CEP128: variants seen among roughly 807,000 people sequenced by gnomAD.
The protein encoded by CEP128 is centrosomal protein 128kDa.
CEP128 carries 132 observed loss-of-function variants against 156.7 expected under a neutral mutation model. The ratio of observed to expected loss-of-function variants is 0.84; its 90% confidence interval spans 0.73 to 0.97. The LOEUF (loss-of-function observed/expected upper bound fraction) is 0.97. CEP128 is among the 50% of genes least tolerant of loss of function. The pLI, the probability that CEP128 is intolerant of heterozygous loss-of-function variation, is 0.00. For synonymous variants in CEP128, 469 were observed against 448.9 expected (o/e 1.04, Z -0.57); for missense variants, 1,252 against 1,281.9 (o/e 0.98, Z 0.36).
intron 19 of CEP128, among the ~76,000 whole-genome samples, chr14:80,707,316 T>C (rs1473735043): frequency 6.6e-6 from 1 of 152,170 alleles, no homozygotes; most frequent in African/African-American, 2.4e-5. Flanking sequence ...CCTTGTAGTG[T>C]TGTTTTGTTC....
rs116955247 is a variant in CEP128, at chr14:80,772,360, T to G, written c.2376+5522A>C. Among the ~76,000 whole-genome samples the G allele has an allele frequency of 1.6e-4, 24 of 152,148 alleles. 1 individual carries two copies. In the East Asian group the frequency reaches 4.6e-3, roughly 29 times the overall value. ...TCGAGAGGAGTTACACTGGGGACGGTTGGAGAGGAGATCAGCTGCTGGATG... is the reference window on the plus strand; with the variant it reads ...TCGAGAGGAGTTACACTGGGGACGGGTGGAGAGGAGATCAGCTGCTGGATG... On this transcript the variant is annotated intron_variant, in intron 16 of 24. Transcript: ENST00000555265.
chr14:80,725,184 T>A (rs886476447), intron 19 of CEP128, among the ~76,000 whole-genome samples: 1 of 112,178 alleles, frequency 8.9e-6, no homozygotes, highest in African/African-American at 4.0e-5. Context: ...GTTTTCCCAA[T>A]TTTTTTTTTT....
At chr14:80,594,824 C>T (rs1473794595) in intron 19 of CEP128, among the ~76,000 whole-genome samples, 4 of 152,190 alleles carry the variant, frequency 2.6e-5, no homozygotes, top group Admixed American at 6.5e-5. Context: ...CAGGAAACAA[C>T]AGATCCTGGA....
intron 13 of CEP128, among the ~76,000 whole-genome samples, chr14:80,806,198 T>C (rs1170005050): frequency 2.0e-5 from 3 of 152,154 alleles, no homozygotes; most frequent in African/African-American, 7.2e-5. Context: ...TGATTAAAAA[T>C]AGTTATTTCC....
In CEP128 at chr14:80,853,540, TAGAA is replaced by T. The variant is rs1011560322; in HGVS notation, c.762+9213_762+9216del. On this transcript the variant is annotated intron_variant, in intron 9 of 24. Coordinates refer to ENST00000555265, the MANE Select transcript of CEP128 (RefSeq NM_152446.5). ...TTTTAAAAAAAAATCCCATTCCAGATAGAAAGAAAAACCATAAGGTACCTAAAAA... is the reference window on the plus strand; with the variant it reads ...TTTTAAAAAAAAATCCCATTCCAGATAGAAAAACCATAAGGTACCTAAAAA... 6.0e-5 allele frequency among the ~76,000 whole-genome samples: 9 copies of T among 151,168 alleles called. No individual in the cohort carries two copies. In the East Asian group the frequency reaches 1.6e-3, roughly 26 times the overall value.
chr14:80,576,624 C>CGTGTGTGTGTGT (rs753148123), intron 20 of CEP128, among the ~76,000 whole-genome samples: 35 of 112,784 alleles, frequency 3.1e-4, no homozygotes, highest in Middle Eastern at 4.5e-3. Flanking sequence ...ATTACTCCGG[C>CGTGTGTGTGTGT]GTGTGTGTGT....
chr14:80,867,078 A>G (rs1887801739), intron 8 of CEP128, among the ~76,000 whole-genome samples: 1 of 152,210 alleles, frequency 6.6e-6, no homozygotes, highest in Non-Finnish European at 1.5e-5. Context: ...CAATTAGAAG[A>G]AACACTTTAT....
At chr14:80,836,523 C>T (rs1886086293) in intron 11 of CEP128, among the ~76,000 whole-genome samples, 186 bp from the exon 12 acceptor site, 1 of 152,116 alleles carries the variant, frequency 6.6e-6, no homozygotes, top group Admixed American at 6.5e-5. Flanking sequence ...GCTTTTCCTT[C>T]TCTGTGTCCA....
chr14:80,953,540 G>A (rs1351919595), intron 2 of CEP128, among the ~76,000 whole-genome samples: 1 of 152,220 alleles, frequency 6.6e-6, no homozygotes, highest in Admixed American at 6.5e-5. Flanking sequence ...AGCCAAGATC[G>A]TGCCATTGCA....
chr14:80,723,122 G>A (rs188113846), intron 19 of CEP128, among the ~76,000 whole-genome samples: 5 of 152,078 alleles, frequency 3.3e-5, no homozygotes, highest in East Asian at 1.9e-4. Context: ...CACCGCACCC[G>A]GCCCTCTTTA....
At chr14:80,924,735 T>G (rs375149086) in intron 2 of CEP128, among the ~76,000 whole-genome samples, 3 of 151,498 alleles carry the variant, frequency 2.0e-5, no homozygotes, top group South Asian at 2.1e-4. Context: ...TTCATGGGGG[T>G]TTTTTTTAAT....
chr14:80,795,097 T>C (rs192267732), intron 13 of CEP128, among the ~76,000 whole-genome samples: 1 of 152,320 alleles, frequency 6.6e-6, no homozygotes, highest in Admixed American at 6.5e-5. Flanking sequence ...AGTGAGGGCA[T>C]AGGGATTTGG....
At chr14:80,732,068 A>G (rs1898298696) in intron 19 of CEP128, among the ~76,000 whole-genome samples, 1 of 152,162 alleles carries the variant, frequency 6.6e-6, no homozygotes, top group Non-Finnish European at 1.5e-5. Context: ...CCACCCATCT[A>G]TCCACCTGCC....
intron 19 of CEP128, among the ~76,000 whole-genome samples, chr14:80,691,018 T>A (rs900034552): frequency 6.6e-6 from 1 of 152,150 alleles, no homozygotes; most frequent in Non-Finnish European, 1.5e-5. Context: ...ACAACACAAA[T>A]CTACCCTAAA....
chr14:80,798,473 T>C (rs1418051577), intron 13 of CEP128, among the ~76,000 whole-genome samples: 1 of 152,226 alleles, frequency 6.6e-6, no homozygotes, highest in Non-Finnish European at 1.5e-5. Context: ...TAAAGTGTTA[T>C]CTATGAGGAA....
intron 19 of CEP128, among the ~76,000 whole-genome samples, chr14:80,646,994 AATATAT>A (rs372341494): frequency 3.9e-5 from 3 of 76,594 alleles, no homozygotes; most frequent in Admixed American, 1.6e-4. Flanking sequence ...ATTTATAAGA[AATATAT>A]ATATATATAT....
chr14:80,673,493 A>G (rs984487069), intron 19 of CEP128, among the ~76,000 whole-genome samples: 23 of 145,932 alleles, frequency 1.6e-4, no homozygotes, highest in African/African-American at 5.6e-4. Flanking sequence ...AATACAAAAA[A>G]AAATTAGCCG....
chr14:80,523,643 T>C (rs562836686), intron 23 of CEP128, among the ~76,000 whole-genome samples: 50 of 152,334 alleles, frequency 3.3e-4, no homozygotes, highest in African/African-American at 1.1e-3. Flanking sequence ...TTTTGTTTCA[T>C]TTTGTTCACT....
chr14:80,601,686 A>T (rs1490993394), intron 19 of CEP128, among the ~76,000 whole-genome samples: 1 of 152,200 alleles, frequency 6.6e-6, no homozygotes, highest in African/African-American at 2.4e-5. Flanking sequence ...ACCATAAGCA[A>T]ATGTAACACA....
Sources: allele counts gnomAD v4.1 joint callset (sites outside exome capture counted in the v4.1 genomes callset), GRCh38; gene constraint gnomAD v4.1.1; transcripts MANE v1.5; gene names NCBI Gene and HGNC (gene_info 2026-07-23, HGNC 2026-07-21).